Variants in RORA observed in about 807,000 individuals in gnomAD.
RORA encodes the protein nuclear receptor ROR-alpha.
RORA carries 7 observed loss-of-function variants against 69.5 expected under a neutral mutation model. The ratio of observed to expected loss-of-function variants is 0.10; its 90% CI spans 0.06 to 0.19. The LOEUF is 0.19. Ranked by LOEUF, RORA falls within the 10% of genes least tolerant of loss-of-function variation. RORA has a pLI of 1.00. For synonymous variants in RORA, 261 were observed against 240.8 expected (o/e 1.08, Z -0.78); for missense variants, 457 against 663.0 (o/e 0.69, Z 3.41).
chr15:61,010,051 A>AT (rs1431671596), intron 1 of RORA, among the ~76,000 whole-genome samples: 1 of 152,184 alleles, frequency 6.6e-6, no homozygotes, highest in African/African-American at 2.4e-5. Context: ...TTTAACTGCT[A>AT]TTTTTTATTA....
At chr15:61,177,858 A>G (rs1302213016) in intron 1 of RORA, among the ~76,000 whole-genome samples, 1 of 151,910 alleles carries the variant, frequency 6.6e-6, no homozygotes, top group Non-Finnish European at 1.5e-5. Context: ...GCTGCTCGGG[A>G]GGCTGAGCCA....
At chr15:60,814,413 G>A (rs918896668) in intron 1 of RORA, among the ~76,000 whole-genome samples, 1 of 152,144 alleles carries the variant, frequency 6.6e-6, no homozygotes, top group African/African-American at 2.4e-5. Flanking sequence ...AGCTTCCTGA[G>A]GGTAGGAATT....
At chr15:61,126,538 TA>T (rs535760843) in intron 1 of RORA, among the ~76,000 whole-genome samples, 169 of 152,350 alleles carry the variant, frequency 1.1e-3, no homozygotes, top group African/African-American at 4.0e-3. Flanking sequence ...ATGACTACTG[TA>T]TAGGGACAGT....
rs537291778 is a variant in RORA at position 61,184,738 on chromosome 15, G to A, written c.166+44315C>T. On this transcript the variant is annotated intron_variant, in intron 1 of 10. Transcript: ENST00000335670. ...GATGGCTCAAACCTGTAATCCCAGT[G>A]CTTTGGAAAGCCAAGGTGGGAGAAT... Among the ~76,000 whole-genome samples, 31 of 152,154 alleles carry A rather than the reference G, an allele frequency of 2.0e-4. No homozygotes were observed. In the South Asian group the frequency reaches 3.3e-3, roughly 16 times the overall value.
At chr15:61,039,100 G>A (rs999204441) in intron 1 of RORA, 4 of 152,202 alleles carry the variant, frequency 2.6e-5, no homozygotes, top group Admixed American at 1.3e-4. Context: ...GGGTTAGCTC[G>A]TCCTTGGCCA....
At chr15:60,955,517 C>T (rs1380343408) in intron 1 of RORA, among the ~76,000 whole-genome samples, 2 of 152,156 alleles carry the variant, frequency 1.3e-5, no homozygotes, top group Non-Finnish European at 2.9e-5. Flanking sequence ...CTGGCATTGA[C>T]TTCATGTCTT....
At chr15:60,907,419 CA>C (rs1891577387) in intron 1 of RORA, among the ~76,000 whole-genome samples, 1 of 152,208 alleles carries the variant, frequency 6.6e-6, no homozygotes, top group Admixed American at 6.5e-5. Flanking sequence ...TCAGACCAGA[CA>C]CCAGCTGGGT....
intron 1 of RORA, among the ~76,000 whole-genome samples, chr15:61,130,219 A>T (rs894479261): frequency 6.6e-6 from 1 of 152,222 alleles, no homozygotes; most frequent in African/African-American, 2.4e-5. Context: ...TATTTCATCT[A>T]TAAAATGGAC....
At chr15:61,055,820 G>C (rs2078088667) in intron 1 of RORA, among the ~76,000 whole-genome samples, 1 of 152,198 alleles carries the variant, frequency 6.6e-6, no homozygotes, top group Admixed American at 6.5e-5. Context: ...TTTCAGAAAA[G>C]TGCCTTTAAA....
intron 2 of RORA, among the ~76,000 whole-genome samples, chr15:60,569,245 C>A (rs1312215450): frequency 1.4e-5 from 2 of 144,602 alleles, no homozygotes; most frequent in Non-Finnish European, 3.0e-5. Flanking sequence ...GGAGAGACTC[C>A]ATCTCTTTAA....
chr15:61,086,430 A>G (rs1378863421), intron 1 of RORA, among the ~76,000 whole-genome samples: 1 of 152,242 alleles, frequency 6.6e-6, no homozygotes, highest in East Asian at 1.9e-4. Context: ...ATGAACTCAG[A>G]GTAATGTCAC....
At chr15:60,869,650 T>G (rs2073530981) in intron 1 of RORA, among the ~76,000 whole-genome samples, 1 of 152,196 alleles carries the variant, frequency 6.6e-6, no homozygotes, top group Non-Finnish European at 1.5e-5. Context: ...AAAGTTTAAA[T>G]TTGCCCCAGC....
chr15:60,519,685 C>G (rs1482188658), intron 3 of RORA, among the ~76,000 whole-genome samples: 1 of 152,198 alleles, frequency 6.6e-6, no homozygotes, highest in Non-Finnish European at 1.5e-5. Flanking sequence ...TTACAAAAAT[C>G]TCTCTCTGGA....
At chr15:60,908,237 G>A (rs990866877) in intron 1 of RORA, among the ~76,000 whole-genome samples, 2 of 152,230 alleles carry the variant, frequency 1.3e-5, no homozygotes, top group African/African-American at 4.8e-5. Flanking sequence ...GCTGACCGTA[G>A]GGTGTGTGTG....
At position 60,511,373 on chromosome 15, in the gene RORA, T is replaced by C. The variant is rs771565793; in HGVS notation, c.673A>G (p.Ile225Val). 2.5e-6 allele frequency: 4 copies of C among 1,614,092 alleles called. No individual in the cohort carries two copies. Among genetic ancestry groups the C allele is most frequent in the East Asian group, 2.2e-5 (1 of 44,898 alleles). ...CCTGACTGGTCTGGGGAAGGCTGTA[T>C]GTCCAGGTAGAAGCTGCTGACGGCG... Reference protein sequence around the residue: ...DSAVSSFYLDIQPSPDQSGLD... With the variant: ...DSAVSSFYLDVQPSPDQSGLD... The change falls in exon 5 of 11, where the codon ATA (isoleucine) becomes GTA (valine). Residue 225 changes from isoleucine (I) to valine (V), a missense_variant. Physicochemically the swap from Ile to Val is conservative, Grantham distance 29. Transcript: ENST00000335670. This position sits in a 1 kb window ranked among gnomAD's most constrained non-coding sequence, Gnocchi z 6.4.
intron 1 of RORA, among the ~76,000 whole-genome samples, chr15:61,004,185 T>G (rs1333249499): frequency 6.6e-6 from 1 of 151,242 alleles, no homozygotes; most frequent in Admixed American, 6.6e-5. Context: ...CTTCTTGTCA[T>G]GGAAAAGTGT....
intron 1 of RORA, among the ~76,000 whole-genome samples, chr15:60,895,796 C>G (rs1891217679): frequency 6.6e-6 from 1 of 152,194 alleles, no homozygotes; most frequent in East Asian, 1.9e-4. Flanking sequence ...TAAGCTAGGG[C>G]TCTTACTTTG....
At chr15:61,156,479 G>A (rs536025808) in intron 1 of RORA, among the ~76,000 whole-genome samples, 41 of 152,234 alleles carry the variant, frequency 2.7e-4, no homozygotes, top group Admixed American at 1.4e-3. Context: ...GTTCCATCAA[G>A]TCTTCTCAGC....
At chr15:60,738,024 G>A (rs2071525472) in intron 1 of RORA, among the ~76,000 whole-genome samples, 1 of 152,194 alleles carries the variant, frequency 6.6e-6, no homozygotes, top group Non-Finnish European at 1.5e-5. Flanking sequence ...GCTTTTGGAA[G>A]TGAATGGGAA....
Sources: gnomAD v4.1 joint callset for allele counts (sites outside exome capture counted in the v4.1 genomes callset) on GRCh38, gnomAD v4.1.1 for gene constraint, Gnocchi (gnomAD v3.1) non-coding constraint, MANE v1.5 for transcripts, NCBI Gene and HGNC (gene_info 2026-07-23, HGNC 2026-07-21) for gene names.